TSNARE1: variants seen among roughly 807,000 people sequenced by gnomAD.
The protein encoded by TSNARE1 is t-SNARE domain containing 1, also known as t-SNARE domain-containing protein 1.
In TSNARE1, 49 loss-of-function variants were observed where a neutral mutation model predicts 62.0. The ratio of observed to expected loss-of-function variants is 0.79; its 90% CI spans 0.63 to 1.00. TSNARE1 has a LOEUF of 1.00. TSNARE1 is among the 50% of genes least tolerant of loss of function. The pLI is 0.00. For synonymous variants in TSNARE1, 328 were observed against 294.4 expected, an observed-to-expected ratio of 1.11 and a Z score of -1.17; for missense variants, 755 against 700.1, an observed-to-expected ratio of 1.08 and a Z score of -0.88.
At chr8:142,280,783 G>C (rs74418376) in intron 11 of TSNARE1, among the ~76,000 whole-genome samples, 3,045 of 152,324 alleles carry the variant, frequency 0.02, 36 homozygotes, top group East Asian at 0.039. Context: ...TCTGGAAGCT[G>C]ACAGTGGGGA....
chr8:142,226,984 GC>G (rs1349983628), intron 13 of TSNARE1, among the ~76,000 whole-genome samples: 3 of 133,434 alleles, frequency 2.2e-5, no homozygotes, highest in African/African-American at 6.4e-5. Flanking sequence ...TGACAGCAAG[GC>G]CCCCCACTGC....
intron 13 of TSNARE1, among the ~76,000 whole-genome samples, chr8:142,225,582 G>A (rs1349117797): frequency 6.6e-6 from 1 of 152,198 alleles, no homozygotes; most frequent in Non-Finnish European, 1.5e-5. Flanking sequence ...ACAGGGCATG[G>A]GTGCAGCTGG....
chr8:142,313,591 GTC>G (rs1199711913), intron 9 of TSNARE1, among the ~76,000 whole-genome samples: 3 of 151,938 alleles, frequency 2.0e-5, no homozygotes, highest in Admixed American at 6.6e-5. Context: ...ATCTGCATGT[GTC>G]TCTATGTGTG....
rs111886133 is a variant in TSNARE1, at chr8:142,355,983, G to A, written c.-39-1220C>T. 7.8e-3 allele frequency among the ~76,000 whole-genome samples: 1,182 copies of A among 152,278 alleles called. 22 individuals are homozygous for A. The highest frequency in any genetic ancestry group is 0.027 in the African/African-American group (1,128 of 41,526). On this transcript the variant is annotated intron_variant, in intron 1 of 13. Transcript: ENST00000524325. Reference sequence around the variant, plus strand: ...CAAACAGCTCTGGTTGCTGCGGATCGCACCTACTAACATCCACTGCATTAG... The same window carrying A: ...CAAACAGCTCTGGTTGCTGCGGATCACACCTACTAACATCCACTGCATTAG...
intron 12 of TSNARE1, among the ~76,000 whole-genome samples, chr8:142,230,227 C>T (rs796499125): frequency 7.2e-5 from 11 of 152,242 alleles, no homozygotes; most frequent in African/African-American, 1.7e-4. Context: ...GGAAACCCCT[C>T]GGCAGACCAG....
intron 2 of TSNARE1, among the ~76,000 whole-genome samples, chr8:142,347,329 C>CGGAGGGGGCCCAAGTCACAGAG (rs1833507835): frequency 1.3e-5 from 2 of 152,228 alleles, no homozygotes; most frequent in Non-Finnish European, 2.9e-5. Context: ...GACCAAGGCC[C>CGGAGGGGGCCCAAGTCACAGAG]GGAGGGGGCC....
intron 12 of TSNARE1, chr8:142,274,550 G>A: frequency 1.0e-6 from 1 of 985,448 alleles, no homozygotes; most frequent in Non-Finnish European, 1.2e-6. Context: ...GCATACAAGA[G>A]AGGAGACGGT....
At chr8:142,345,350 G>A (rs1221363579) in intron 3 of TSNARE1, among the ~76,000 whole-genome samples, 1 of 152,204 alleles carries the variant, frequency 6.6e-6, no homozygotes, top group Non-Finnish European at 1.5e-5. Context: ...CAGGATACCT[G>A]CAGAGGTCAC....
At chr8:142,214,417 G>A (rs1815732903) in intron 13 of TSNARE1, among the ~76,000 whole-genome samples, 2 of 152,108 alleles carry the variant, frequency 1.3e-5, no homozygotes, top group Admixed American at 6.5e-5. Flanking sequence ...GTGCCCGTCT[G>A]TGCCCCACTG....
chr8:142,353,640 C>G (rs1420248334), intron 2 of TSNARE1, among the ~76,000 whole-genome samples: 1 of 152,180 alleles, frequency 6.6e-6, no homozygotes, highest in Non-Finnish European at 1.5e-5. Flanking sequence ...GAAACAAATC[C>G]AGGGCACTGG....
At chr8:142,292,690 A>G (rs1176451270) in intron 10 of TSNARE1, among the ~76,000 whole-genome samples, 2 of 152,106 alleles carry the variant, frequency 1.3e-5, no homozygotes, top group African/African-American at 4.8e-5. Flanking sequence ...CAGACATGAA[A>G]CAAATCACAG....
chr8:142,335,066 C>A (rs1831563036), intron 4 of TSNARE1, among the ~76,000 whole-genome samples: 1 of 152,206 alleles, frequency 6.6e-6, no homozygotes, highest in Admixed American at 6.5e-5. Flanking sequence ...AAAGCAAAAT[C>A]CGTAACTATG....
chr8:142,354,365 C>T (rs1437414380), intron 2 of TSNARE1, among the ~76,000 whole-genome samples: 1 of 152,134 alleles, frequency 6.6e-6, no homozygotes, highest in South Asian at 2.1e-4. Context: ...GAGCACCACC[C>T]ACCAGCAGCT....
intron 1 of TSNARE1, among the ~76,000 whole-genome samples, chr8:142,386,088 G>C (rs182225487): frequency 1.5e-3 from 227 of 152,276 alleles, no homozygotes; most frequent in African/African-American, 5.2e-3. Flanking sequence ...TCTTGCCAGA[G>C]AATGCTCTCT....
chr8:142,263,133 G>A (rs1318398433), intron 12 of TSNARE1, among the ~76,000 whole-genome samples: 1 of 152,198 alleles, frequency 6.6e-6, no homozygotes, highest in African/African-American at 2.4e-5. Context: ...ATCTCACCGT[G>A]AATGTTCGCT....
intron 1 of TSNARE1, among the ~76,000 whole-genome samples, chr8:142,369,199 C>A (rs190333461): frequency 2.0e-5 from 3 of 152,112 alleles, no homozygotes; most frequent in African/African-American, 7.2e-5. Context: ...CCAACACTGC[C>A]GGGGGTAGGG....
chr8:142,292,432 G>A (rs1028212807), intron 10 of TSNARE1, among the ~76,000 whole-genome samples: 1 of 152,190 alleles, frequency 6.6e-6, no homozygotes, highest in Non-Finnish European at 1.5e-5. Context: ...GCTTGCTGAT[G>A]GGCAGAATTG....
chr8:142,389,194 C>G (rs182576049), intron 1 of TSNARE1, among the ~76,000 whole-genome samples: 21 of 152,296 alleles, frequency 1.4e-4, no homozygotes, highest in Admixed American at 6.5e-4. Flanking sequence ...AACTGCTTCT[C>G]TAGATACAGA....
At chr8:142,229,998 A>T (rs1817026356) in intron 12 of TSNARE1, among the ~76,000 whole-genome samples, 1 of 152,240 alleles carries the variant, frequency 6.6e-6, no homozygotes, top group South Asian at 2.1e-4. Flanking sequence ...CCTGGAAACT[A>T]CATAGCCTGG....
Sources: allele counts gnomAD v4.1 joint callset (sites outside exome capture counted in the v4.1 genomes callset), GRCh38; gene constraint gnomAD v4.1.1; transcripts MANE v1.5; gene names NCBI Gene and HGNC (gene_info 2026-07-23, HGNC 2026-07-21).